GPR176: variants seen among roughly 807,000 people sequenced by gnomAD.
The protein encoded by GPR176 is G protein-coupled receptor 176, also known as G-protein coupled receptor 176.
In GPR176, 26 loss-of-function variants were observed where a neutral mutation model predicts 35.4. The observed-to-expected ratio is 0.74, with a 90% CI of 0.54 to 1.02. The LOEUF (loss-of-function observed/expected upper bound fraction) is 1.02, where lower values mean the gene tolerates loss of function less well. Ranked by LOEUF, GPR176 falls within the 50% of genes least tolerant of loss-of-function variation. The pLI is 0.00. For missense variants in GPR176, 597 were observed against 665.3 expected (o/e 0.90, Z 1.13); for synonymous variants, 278 against 271.3 (o/e 1.02, Z -0.24).
chr15:39,904,815 C>T (rs183219637), intron 1 of GPR176, among the ~76,000 whole-genome samples: 17 of 152,292 alleles, frequency 1.1e-4, no homozygotes, highest in Middle Eastern at 3.4e-3. Context: ...CACGTCAGGG[C>T]TTGTCCAAGA....
intron 1 of GPR176, among the ~76,000 whole-genome samples, chr15:39,818,929 T>C (rs1240031740): frequency 6.6e-6 from 1 of 152,220 alleles, no homozygotes; most frequent in Non-Finnish European, 1.5e-5. Context: ...TTCTCTCTGG[T>C]TGCTCATATT....
chr15:39,876,866 G>GAGAGAC (rs941118484), intron 1 of GPR176, among the ~76,000 whole-genome samples: 1 of 151,864 alleles, frequency 6.6e-6, no homozygotes. Context: ...GAGAGAGAAA[G>GAGAGAC]AGAGACAGAG....
chr15:39,801,583 C>T lies in GPR176; in HGVS notation c.1097G>A (p.Gly366Asp). ...EASLEPSIRS[G>D]SQLLEMFHIG... ...GTGGAACATCTCCAGGAGCTGGCTACCCGAGCGTATGCTGGGTTCCAGGCT... is the reference window on the plus strand; with the variant it reads ...GTGGAACATCTCCAGGAGCTGGCTATCCGAGCGTATGCTGGGTTCCAGGCT... The change falls in exon 3 of 3, where the codon GGT becomes GAT. Residue 366 changes from glycine (G) to aspartate (D), a missense_variant. Coordinates refer to ENST00000561100, the MANE Select transcript of GPR176 (RefSeq NM_007223.3). The T allele has an allele frequency of 6.2e-7, 1 of 1,614,042 alleles. No individual in the cohort carries two copies. The highest frequency in any genetic ancestry group is 1.1e-5 in the South Asian group (1 of 91,084).
intron 1 of GPR176, among the ~76,000 whole-genome samples, chr15:39,882,095 A>G (rs2032497369): frequency 6.6e-6 from 1 of 152,198 alleles, no homozygotes; most frequent in Non-Finnish European, 1.5e-5. Flanking sequence ...AAATTGACTC[A>G]TTTTGTCATT....
At chr15:39,840,135 T>C (rs1901652965) in intron 1 of GPR176, among the ~76,000 whole-genome samples, 1 of 152,226 alleles carries the variant, frequency 6.6e-6, no homozygotes, top group Non-Finnish European at 1.5e-5. Context: ...TGACTGGGTA[T>C]ATACCCAAAG....
rs148257958 is a variant in GPR176, at chr15:39,819,710, C to T, written c.173-12452G>A. Reference sequence around the variant, plus strand: ...GGGAATACTCATGCACTCTATTCTACTCCCTCTGTCCCAGTAACTATAATT... The same window carrying T: ...GGGAATACTCATGCACTCTATTCTATTCCCTCTGTCCCAGTAACTATAATT... On this transcript the variant is annotated intron_variant, in intron 1 of 2. Transcript: ENST00000561100. Among the ~76,000 whole-genome samples the T allele has an allele frequency of 3.1e-3, 469 of 152,286 alleles. 1 individual carries two copies. Among genetic ancestry groups the T allele is most frequent in the African/African-American group, 9.4e-3 (389 of 41,554 alleles).
chr15:39,805,113 A>G (rs1899110927), intron 2 of GPR176, among the ~76,000 whole-genome samples: 2 of 152,248 alleles, frequency 1.3e-5, no homozygotes, highest in Non-Finnish European at 2.9e-5. Flanking sequence ...TCAGTCCAGA[A>G]TATCAAACTG....
At chr15:39,827,237 CAT>C (rs1294117942) in intron 1 of GPR176, among the ~76,000 whole-genome samples, 1 of 152,160 alleles carries the variant, frequency 6.6e-6, no homozygotes, top group Non-Finnish European at 1.5e-5. Flanking sequence ...TCATGGGTCT[CAT>C]GTGACAAAAA....
intron 1 of GPR176, among the ~76,000 whole-genome samples, chr15:39,808,228 C>T (rs1410983580): frequency 6.6e-6 from 1 of 152,174 alleles, no homozygotes; most frequent in African/African-American, 2.4e-5. Flanking sequence ...ACTCCAGAAT[C>T]CTTTTTCCAG....
chr15:39,829,762 G>A (rs868659030), intron 1 of GPR176, among the ~76,000 whole-genome samples: 7 of 152,174 alleles, frequency 4.6e-5, no homozygotes, highest in Non-Finnish European at 1.0e-4. Flanking sequence ...TGGGAAATTG[G>A]AGGAAGCCTG....
chr15:39,829,345 G>A lies in GPR176; in HGVS notation c.173-22087C>T. On this transcript the variant is annotated intron_variant, in intron 1 of 2. Transcript: ENST00000561100. ...ACAAAGAATGCCAAAGTTCCATGGG[G>A]GCAATGTGTGCGCAGGACACAAGGA... 1.2e-5 allele frequency: 16 copies of A among 1,337,588 alleles called. No individual in the cohort carries two copies. In the South Asian group the frequency reaches 2.5e-4, roughly 21 times the overall value. The allele number at this position is 1,337,588 out of a possible 1,614,324, so 82.9% of individuals were successfully genotyped here. A position where few individuals can be genotyped will look rare whatever the true frequency, so the allele number is the denominator to read the frequency against.
At chr15:39,814,457 T>C (rs2140798807) in intron 1 of GPR176, among the ~76,000 whole-genome samples, 1 of 152,350 alleles carries the variant, frequency 6.6e-6, no homozygotes. Context: ...TAGTATTCAG[T>C]TAGTTTACTA....
chr15:39,815,929 C>T (rs368595769), intron 1 of GPR176, among the ~76,000 whole-genome samples: 1 of 152,072 alleles, frequency 6.6e-6, no homozygotes, highest in Non-Finnish European at 1.5e-5. Flanking sequence ...GATAAATGGA[C>T]GAATGGCATA....
chr15:39,851,207 C>T (rs1010682089), intron 1 of GPR176, among the ~76,000 whole-genome samples: 1 of 152,088 alleles, frequency 6.6e-6, no homozygotes, highest in African/African-American at 2.4e-5. Flanking sequence ...TCTTTAAAAA[C>T]ATTCAAAATT....
intron 1 of GPR176, among the ~76,000 whole-genome samples, chr15:39,843,083 T>G (rs1433058855): frequency 6.6e-6 from 1 of 151,710 alleles, no homozygotes; most frequent in African/African-American, 2.4e-5. Context: ...TCTTTTGTGC[T>G]TTGTGCATGA....
intron 1 of GPR176, among the ~76,000 whole-genome samples, chr15:39,910,551 G>A (rs1470795916): frequency 6.6e-6 from 1 of 151,224 alleles, no homozygotes; most frequent in African/African-American, 2.4e-5. Flanking sequence ...AGAGCAAACC[G>A]CATCTCAAAA....
intron 2 of GPR176, among the ~76,000 whole-genome samples, chr15:39,803,220 C>T (rs1218080608): frequency 6.7e-6 from 1 of 149,880 alleles, no homozygotes; most frequent in African/African-American, 2.4e-5. Flanking sequence ...TAGTGACACC[C>T]ATTCACTCAT....
At chr15:39,885,971 T>C (rs2032658594) in intron 1 of GPR176, among the ~76,000 whole-genome samples, 2 of 152,182 alleles carry the variant, frequency 1.3e-5, no homozygotes, top group Admixed American at 1.3e-4. Context: ...CAGTGGCTCA[T>C]GCCTGTAATC....
At chr15:39,886,126 G>A (rs374022816) in intron 1 of GPR176, among the ~76,000 whole-genome samples, 11 of 152,146 alleles carry the variant, frequency 7.2e-5, no homozygotes, top group East Asian at 3.9e-4. Context: ...CCAGCTACTC[G>A]GGAGGCTGGG....
Sources: allele counts gnomAD v4.1 joint callset (sites outside exome capture counted in the v4.1 genomes callset), GRCh38; gene constraint gnomAD v4.1.1; transcripts MANE v1.5; gene names NCBI Gene and HGNC (gene_info 2026-07-23, HGNC 2026-07-21).